Variants in HDAC6 observed in about 807,000 individuals in gnomAD.
HDAC6 encodes protein deacetylase HDAC6.
A neutral mutation model predicts 88.9 loss-of-function variants in HDAC6; 5 were observed. That is an observed-to-expected ratio of 0.06 (90% CI 0.03 to 0.12). The LOEUF (loss-of-function observed/expected upper bound fraction) is 0.12. Ranked by LOEUF, HDAC6 falls within the 10% of genes least tolerant of loss-of-function variation. The probability of loss-of-function intolerance (pLI) is 1.00; values close to 1 mark genes in which losing one functional copy is unlikely to be tolerated. For missense variants in HDAC6, 706 were observed against 1,014.4 expected, an observed-to-expected ratio of 0.70 and a Z score of 4.13; for synonymous variants, 378 against 398.0, an observed-to-expected ratio of 0.95 and a Z score of 0.60.
Position 48,802,783 on chromosome X carries a change from T to G in HDAC6, c.91T>G (p.Ser31Ala). 2.5e-6 allele frequency: 3 copies of G among 1,207,430 alleles called. No individual in the cohort carries two copies. The highest frequency in any genetic ancestry group is 3.0e-5 in the East Asian group (1 of 33,670). ...QSPPQDSSVTSKRNIKKGAVP... is the reference protein window; with the variant it reads ...QSPPQDSSVTAKRNIKKGAVP... ...GCCCCCTCAGGACTCCAGTGTCACT[T>G]CGGTGAGGCCCTAGACCCGCCCTGA... The change falls in exon 2 of 29, where the codon TCG becomes GCG. Residue 31 changes from serine to alanine, a missense_variant and splice_region_variant. Physicochemically the swap from Ser to Ala is moderately conservative, Grantham distance 99. Coordinates refer to ENST00000334136, the MANE Select transcript of HDAC6 (RefSeq NM_006044.4).
At chrX:48,806,841 G>A in intron 8 of HDAC6, 135 bp downstream of exon 8, 1 of 434,129 alleles carries the variant, frequency 2.3e-6, no homozygotes, top group Non-Finnish European at 3.8e-6. Context: ...TTAAAAATCT[G>A]TCTCCCATCC....
Position 48,824,158 on chromosome X carries a change from A to G in HDAC6, c.3451-8A>G, listed in dbSNP as rs1557031531. ...ACCCCCACCTGACACTCACACCCCC[A>G]ACCTCAGGTCTACTGTGGTCGTTAC... On this transcript the variant is annotated splice_polypyrimidine_tract_variant and splice_region_variant and intron_variant, in intron 27 of 28. Transcript: ENST00000334136. 1.7e-6 allele frequency: 2 copies of G among 1,206,342 alleles called. No homozygotes were observed. The highest frequency in any genetic ancestry group is 3.5e-5 in the African/African-American group (2 of 56,809).
Position 48,824,891 on chromosome X carries a change from A to G in HDAC6, c.*279A>G. On this transcript the variant is annotated 3_prime_UTR_variant, in exon 29 of 29. Transcript: ENST00000334136. ...TCAGTGGCCCCAAGAGGGAGCTGAT[A>G]TCATGAGGATAACATTGGCGGGAGG... The G allele has an allele frequency of 9.0e-7, 1 of 1,108,219 alleles. No homozygotes were observed. The allele number at this position is 1,108,219 out of a possible 1,213,427, so 91.3% of individuals were successfully genotyped here. A position where few individuals can be genotyped will look rare whatever the true frequency, so the allele number is the denominator to read the frequency against.
chrX:48,813,615 C>T (rs1437709662), intron 10 of HDAC6: 1 of 112,011 alleles, frequency 8.9e-6, no homozygotes, highest in Non-Finnish European at 1.9e-5. Context: ...AGAATTAAGC[C>T]CTCCCATGGC....
chrX:48,822,854 A>T, intron 24 of HDAC6, 58 bp from the exon 25 acceptor site: 1 of 1,162,339 alleles, frequency 8.6e-7, no homozygotes, highest in Admixed American at 2.5e-5. Flanking sequence ...AGGGGCAGAG[A>T]TCAGAGGCAG....
Position 48,816,521 on chromosome X carries a change from A to G in HDAC6, c.1679A>G (p.His560Arg), listed in dbSNP as rs782036783. Residue 560 changes from histidine to arginine, a missense_variant, in exon 19 of 29, where the codon CAC becomes CGC. Physicochemically the swap from His to Arg is conservative, Grantham distance 29. This residue lies in a region of HDAC6 where 138 missense variants were observed against 303.5 expected (regional missense o/e 0.45). Transcript: ENST00000334136. ...GAGAAAATGAAAACCCGGGAGCTGC[A>G]CCGTGAGAGTTCCAACTTTGACTCC... ...ATEKMKTREL[H>R]RESSNFDSIY... 9.4e-5 allele frequency: 114 copies of G among 1,207,563 alleles called. No individual in the cohort carries two copies. The highest frequency in any genetic ancestry group is 1.2e-4 in the Non-Finnish European group (110 of 893,933).
intron 4 of HDAC6, among the ~76,000 whole-genome samples, chrX:48,804,720 A>G (rs1157983846): frequency 8.9e-6 from 1 of 112,161 alleles, no homozygotes; most frequent in African/African-American, 3.2e-5. Context: ...AAATAAACAA[A>G]AAGTAAATGA....
rs1377064348 is a variant in HDAC6, at chrX:48,818,325, C to T, written c.2100C>T (p.Thr700=). ...GCCGGGCTGCGGGCACAGGCTTCAC[C>T]GTCAACGTGGCATGGAACGGGCCCC... ...QIGRAAGTGF[T]VNVAWNGPRM... The change falls in exon 22 of 29, where the codon ACC becomes ACT. Residue 700 remains threonine, a synonymous_variant. Coordinates refer to ENST00000334136, the MANE Select transcript of HDAC6 (RefSeq NM_006044.4). The T allele has an allele frequency of 5.8e-6, 7 of 1,205,695 alleles. No homozygotes were observed. Among genetic ancestry groups the T allele is most frequent in the East Asian group, 3.0e-5 (1 of 33,733 alleles).
intron 23 of HDAC6, 83 bp downstream of exon 23, chrX:48,820,338 A>G: frequency 1.1e-6 from 1 of 873,727 alleles, no homozygotes. Context: ...GTTTCCTGAA[A>G]TCTCCTTTGA....
intron 3 of HDAC6, 38 bp from the exon 4 acceptor site, chrX:48,803,090 A>G (rs1557023012): frequency 4.2e-6 from 5 of 1,201,175 alleles, no homozygotes; most frequent in East Asian, 3.0e-5. Flanking sequence ...CTCAGGGCCT[A>G]AAATGGATCT....
rs2063018629 is a variant in HDAC6, at chrX:48,818,102, G to A, written c.1987G>A (p.Asp663Asn). ...TGGAACTCAGCACATGTTTGAGGAT[G>A]ACCCCAGGTAAGGGCTGCAGTCAGG... ...GNGTQHMFEDDPSVLYVSLHR... is the reference protein window; with the variant it reads ...GNGTQHMFEDNPSVLYVSLHR... Residue 663 changes from aspartate to asparagine, a missense_variant, in exon 21 of 29, where the codon GAC becomes AAC. By Grantham distance (23) the Asp-to-Asn change is conservative. Transcript: ENST00000334136. 1 of 1,197,206 alleles carries A rather than the reference G, an allele frequency of 8.4e-7. No individual in the cohort carries two copies. Among genetic ancestry groups the A allele is most frequent in the Non-Finnish European group, 1.1e-6 (1 of 887,910 alleles).
chrX:48,815,941 A>G lies in HDAC6; in HGVS notation c.1382A>G (p.Glu461Gly). 8.3e-7 allele frequency: 1 copy of G among 1,210,843 alleles called. No homozygotes were observed. The highest frequency in any genetic ancestry group is 1.1e-6 in the Non-Finnish European group (1 of 894,871). The change falls in exon 17 of 29, where the codon GAA (glutamate) becomes GGA (glycine). Residue 461 changes from glutamate to glycine, a missense_variant. Around this residue, in one of 9 missense-constraint regions of HDAC6, gnomAD observed 106 missense variants for 135.1 expected, o/e 0.78. Coordinates refer to ENST00000334136, the MANE Select transcript of HDAC6 (RefSeq NM_006044.4). ...EEDNVEESEE[E>G]GPWEPPVLPI... The stretch of plus-strand genomic sequence containing the variant: ...GACAATGTAGAGGAGAGCGAGGAGG[A>G]AGGACCCTGGGAGCCCCCTGTGCTC...
Position 48,808,336 on chromosome X carries a change from G to A in HDAC6, c.806+10G>A, listed in dbSNP as rs369151284. On this transcript the variant is annotated intron_variant, in intron 10 of 28. Coordinates refer to ENST00000334136, the MANE Select transcript of HDAC6 (RefSeq NM_006044.4). ...TCGACCAGGACCCCAGGTATACCCC[G>A]ACTCCCACCTAGGTGCTAGACTCCC... The A allele has an allele frequency of 6.9e-5, 81 of 1,174,316 alleles. No homozygotes were observed. Among genetic ancestry groups the A allele is most frequent in the Admixed American group, 1.1e-4 (5 of 44,574 alleles).
rs2044362335 is a variant in HDAC6, at chrX:48,803,014, G to A, written c.222+15G>A. 1 of 1,207,505 alleles carries A rather than the reference G, an allele frequency of 8.3e-7. No individual in the cohort carries two copies. The highest frequency in any genetic ancestry group is 1.7e-5 in the African/African-American group (1 of 57,170). On this transcript the variant is annotated intron_variant, in intron 3 of 28. Coordinates refer to ENST00000334136, the MANE Select transcript of HDAC6 (RefSeq NM_006044.4). ...TGCAAGGGATGGTGAGCAGGGCCTG[G>A]CTGCAGTTTAGCCTCGTATGACAAT...
chrX:48,817,096 C>A, intron 19 of HDAC6: 1 of 309,202 alleles, frequency 3.2e-6, no homozygotes, highest in East Asian at 5.7e-5. Flanking sequence ...AAGAAACATA[C>A]AAAAAATTAG....
At chrX:48,803,681 C>T (rs1401040336) in intron 4 of HDAC6, among the ~76,000 whole-genome samples, 2 of 111,917 alleles carry the variant, frequency 1.8e-5, no homozygotes, top group Non-Finnish European at 1.9e-5. Flanking sequence ...TCAGCAAATC[C>T]TTTTGGCTAT....
Position 48,824,157 on chromosome X carries a change from C to A in HDAC6, c.3451-9C>A. 1 of 1,208,655 alleles carries A rather than the reference C, an allele frequency of 8.3e-7. No individual in the cohort carries two copies. Among genetic ancestry groups the A allele is most frequent in the Non-Finnish European group, 1.1e-6 (1 of 893,748 alleles). On this transcript the variant is annotated splice_polypyrimidine_tract_variant and intron_variant, in intron 27 of 28. Coordinates refer to ENST00000334136, the MANE Select transcript of HDAC6 (RefSeq NM_006044.4). ...GACCCCCACCTGACACTCACACCCC[C>A]AACCTCAGGTCTACTGTGGTCGTTA...
At position 48,820,093 on chromosome X, in the gene HDAC6, C is replaced by T. The variant is rs1557029234; in HGVS notation, c.2188-13C>T. The stretch of plus-strand genomic sequence containing the variant: ...ACCCTCATGCTTATACATCTCTTCT[C>T]TCCCTGCCTCAGTTTAACCCAGAAC... On this transcript the variant is annotated splice_polypyrimidine_tract_variant and intron_variant, in intron 22 of 28. Transcript: ENST00000334136. 2 of 1,209,971 alleles carry T rather than the reference C, an allele frequency of 1.7e-6. No homozygotes were observed. The highest frequency in any genetic ancestry group is 2.2e-6 in the Non-Finnish European group (2 of 894,515).
In HDAC6 at chrX:48,815,071, C is replaced by T. The variant is rs2062961710; in HGVS notation, c.1149+20C>T. ...CTGGAGGTGAGTGACTCACCTTCGT[C>T]CCTCAGCCTGTGGATCCTGGAGGGC... On this transcript the variant is annotated intron_variant, in intron 14 of 28. Transcript: ENST00000334136. 4.4e-6 allele frequency: 5 copies of T among 1,137,821 alleles called. No individual in the cohort carries two copies. The highest frequency in any genetic ancestry group is 6.3e-5 in the East Asian group (2 of 31,964). 93.8% of individuals were successfully genotyped at this position (1,137,821 alleles called of 1,213,427 possible).
Sources: gnomAD v4.1 joint callset for allele counts (sites outside exome capture counted in the v4.1 genomes callset) on GRCh38, gnomAD v4.1.1 for gene constraint, gnomAD v4.1.1 regional missense constraint, MANE v1.5 for transcripts, NCBI Gene and HGNC (gene_info 2026-07-23, HGNC 2026-07-21) for gene names.